Variants in EXD2 observed in about 807,000 individuals in gnomAD.
EXD2 encodes the protein exonuclease 3'-5' domain-containing protein 2.
EXD2 carries 40 observed loss-of-function variants against 62.5 expected under a neutral mutation model. That is an observed-to-expected ratio of 0.64 (90% CI 0.50 to 0.83). EXD2 has a LOEUF of 0.83. Ranked by LOEUF, EXD2 falls within the 40% of genes least tolerant of loss-of-function variation. The pLI is 0.00. For missense variants in EXD2, 671 were observed against 761.8 expected, an observed-to-expected ratio of 0.88 and a Z score of 1.40; for synonymous variants, 239 against 291.9, an observed-to-expected ratio of 0.82 and a Z score of 1.85.
intron 3 of EXD2, 29 bp downstream of exon 3, chr14:69,209,832 A>G: frequency 1.4e-6 from 2 of 1,423,350 alleles, no homozygotes; most frequent in Non-Finnish European, 1.9e-6. Context: ...GTTAAAAAAA[A>G]AAAAAAAAAA....
intron 4 of EXD2, among the ~76,000 whole-genome samples, chr14:69,230,221 A>G (rs1652080124): frequency 6.6e-6 from 1 of 152,166 alleles, no homozygotes; most frequent in South Asian, 2.1e-4. Context: ...TCTGTTCCTC[A>G]GTTTCCTCAT....
intron 2 of EXD2, among the ~76,000 whole-genome samples, chr14:69,207,926 CT>C (rs1435552262): frequency 8.0e-5 from 12 of 149,096 alleles, no homozygotes; most frequent in Non-Finnish European, 1.8e-4. Context: ...GAGACAGAGT[CT>C]TACTCTTATC....
chr14:69,229,817 C>T (rs750924905), intron 4 of EXD2, among the ~76,000 whole-genome samples: 5 of 151,966 alleles, frequency 3.3e-5, no homozygotes, highest in Non-Finnish European at 7.4e-5. Flanking sequence ...GACACAGTCA[C>T]TAAAAGTTTG....
chr14:69,231,879 A>G (rs1245254073), intron 5 of EXD2, among the ~76,000 whole-genome samples: 2 of 150,494 alleles, frequency 1.3e-5, no homozygotes, highest in Non-Finnish European at 3.0e-5. Context: ...TACATTCATA[A>G]CAGTTTCTTG....
intron 5 of EXD2, among the ~76,000 whole-genome samples, chr14:69,230,846 G>A (rs1436128938): frequency 2.0e-5 from 3 of 152,060 alleles, no homozygotes; most frequent in Admixed American, 6.6e-5. Context: ...GCAGTGGTAC[G>A]GTCTTGGCTC....
intron 3 of EXD2, among the ~76,000 whole-genome samples, chr14:69,219,845 G>A (rs572325787): frequency 5.9e-4 from 89 of 152,100 alleles, no homozygotes; most frequent in African/African-American, 2.1e-3. Flanking sequence ...GGTGTACCTG[G>A]CTAGGATCAC....
intron 3 of EXD2, among the ~76,000 whole-genome samples, chr14:69,215,298 A>ATC (rs151123113): frequency 2.0e-5 from 2 of 102,094 alleles, no homozygotes; most frequent in African/African-American, 5.4e-5. Flanking sequence ...TCAAAAATAT[A>ATC]TGTGTGTGTG....
At chr14:69,212,693 T>C (rs1352622643) in intron 3 of EXD2, among the ~76,000 whole-genome samples, 1 of 135,028 alleles carries the variant, frequency 7.4e-6, no homozygotes. Flanking sequence ...GTTCCAATGG[T>C]TCTTGATTTT....
In EXD2 at chr14:69,221,709, A is replaced by G. The variant is rs146300753; in HGVS notation, c.334-7107A>G. On this transcript the variant is annotated intron_variant, in intron 3 of 9. Transcript: ENST00000685843. ...CTTGGGCCCAGGAGTTCAAGGCTGCAGTGAGCTATGATCATGCCACTGCAC... is the reference window on the plus strand; with the variant it reads ...CTTGGGCCCAGGAGTTCAAGGCTGCGGTGAGCTATGATCATGCCACTGCAC... Among the ~76,000 whole-genome samples the G allele has an allele frequency of 6.4e-3, 976 of 152,126 alleles. 10 individuals are homozygous for G. Among genetic ancestry groups the G allele is most frequent in the African/African-American group, 0.022 (922 of 41,488 alleles).
intron 9 of EXD2, among the ~76,000 whole-genome samples, chr14:69,239,909 T>C (rs1022004781): frequency 5.3e-5 from 8 of 152,198 alleles, no homozygotes; most frequent in African/African-American, 1.9e-4. Context: ...GCTGCCAATA[T>C]GTTTTCTAAA....
intron 3 of EXD2, among the ~76,000 whole-genome samples, chr14:69,225,262 C>A (rs935531740): frequency 6.6e-6 from 1 of 152,210 alleles, no homozygotes; most frequent in African/African-American, 2.4e-5. Context: ...TCATTCTTTA[C>A]TCTCTGTAGC....
chr14:69,222,042 C>T (rs1022334704), intron 3 of EXD2, among the ~76,000 whole-genome samples: 14 of 149,758 alleles, frequency 9.3e-5, no homozygotes, highest in African/African-American at 3.4e-4. Flanking sequence ...GAGCCAAGAT[C>T]GTGCCATTGC....
In EXD2 at chr14:69,237,584, G is replaced by T. The variant is rs3211169; in HGVS notation, c.1302G>T (p.Val434=). 1 of 1,614,188 alleles carries T rather than the reference G, an allele frequency of 6.2e-7. No homozygotes were observed. The highest frequency in any genetic ancestry group is 2.2e-5 in the East Asian group (1 of 44,880). ...GKRDSYIRKN[V]IPHEYRKHFP... is the part of the protein sequence containing the mutation. ...GCTGGGCTTGTTCCAGGAAGAACGT[G>T]ATTCCACATGAGTACCGGAAGCACT... The change falls in exon 9 of 10, where the codon GTG becomes GTT. Residue 434 remains valine (V), a synonymous_variant. Transcript: ENST00000685843.
At chr14:69,222,071 G>C (rs539050750) in intron 3 of EXD2, among the ~76,000 whole-genome samples, 5 of 151,382 alleles carry the variant, frequency 3.3e-5, no homozygotes, top group Middle Eastern at 3.4e-3. Flanking sequence ...TAGGTGGTAG[G>C]GTGAGACTCT....
rs765115735 is a variant in EXD2 at position 69,241,061 on chromosome 14, C to A, written c.1827C>A (p.Leu609=). The A allele has an allele frequency of 3.1e-6, 5 of 1,612,700 alleles. No individual in the cohort carries two copies. The Admixed American group carries it at 5.0e-5, about 16-fold the overall frequency. The change falls in exon 10 of 10, where the codon CTC becomes CTA. Residue 609 remains leucine, a synonymous_variant. Transcript: ENST00000685843. ...TGGACCACAACCATCAGAAGCTGCT[C>A]CGGAAATTCGGGGAAGATCTTCCCA... The part of the protein sequence containing the change: ...WSVDHNHQKL[L]RKFGEDLPIQ...
intron 5 of EXD2, among the ~76,000 whole-genome samples, chr14:69,232,025 C>G: frequency 6.6e-6 from 1 of 151,618 alleles, no homozygotes. Flanking sequence ...GTCCCACTGC[C>G]TATATTCCAG....
intron 9 of EXD2, among the ~76,000 whole-genome samples, chr14:69,238,727 C>G (rs1417345077): frequency 6.6e-6 from 1 of 151,874 alleles, no homozygotes; most frequent in Non-Finnish European, 1.5e-5. Context: ...TTCCACCTCC[C>G]AGGCTCAAGT....
intron 3 of EXD2, chr14:69,224,278 A>G: frequency 6.5e-6 from 1 of 153,046 alleles, no homozygotes; most frequent in Non-Finnish European, 1.5e-5. Context: ...CTGGGATTAC[A>G]GGTATGAGCC....
At chr14:69,215,980 A>C (rs1325152928) in intron 3 of EXD2, among the ~76,000 whole-genome samples, 1 of 152,190 alleles carries the variant, frequency 6.6e-6, no homozygotes, top group African/African-American at 2.4e-5. Context: ...GATAAACAGA[A>C]GATCTGTGTA....
Sources: allele counts gnomAD v4.1 joint callset (sites outside exome capture counted in the v4.1 genomes callset), GRCh38; gene constraint gnomAD v4.1.1; transcripts MANE v1.5; gene names NCBI Gene and HGNC (gene_info 2026-07-23, HGNC 2026-07-21).